Variants in SEMA6D observed in about 807,000 individuals in gnomAD.
SEMA6D encodes semaphorin 6D, also known as semaphorin-6D.
SEMA6D carries 35 observed loss-of-function variants against 106.6 expected under a neutral mutation model. The ratio of observed to expected loss-of-function variants is 0.33; its 90% CI spans 0.25 to 0.44. SEMA6D has a LOEUF of 0.44. Ranked by LOEUF, SEMA6D falls within the 20% of genes least tolerant of loss-of-function variation. SEMA6D has a pLI of 1.00. For synonymous variants in SEMA6D, 499 were observed against 487.7 expected (o/e 1.02, Z -0.31); for missense variants, 1,185 against 1,345.9 (o/e 0.88, Z 1.87).
chr15:47,654,150 GCTCTTCCTCTTT>G (rs2077746929), intron 4 of SEMA6D, among the ~76,000 whole-genome samples: 1 of 152,122 alleles, frequency 6.6e-6, no homozygotes, highest in African/African-American at 2.4e-5. Context: ...GAACTGCAGG[GCTCTTCCTCTTT>G]TAGTTTAATT....
At chr15:47,365,106 G>C (rs1345899979) in intron 1 of SEMA6D, among the ~76,000 whole-genome samples, 11 of 152,150 alleles carry the variant, frequency 7.2e-5, no homozygotes, top group Admixed American at 7.2e-4. Context: ...GGCCTAAAAG[G>C]CTCCGAGAGG....
At chr15:47,689,812 G>A (rs902417963) in intron 4 of SEMA6D, among the ~76,000 whole-genome samples, 3 of 152,198 alleles carry the variant, frequency 2.0e-5, no homozygotes, top group African/African-American at 7.2e-5. Context: ...TCTCCGCAGA[G>A]GACTGACTTC....
intron 3 of SEMA6D, among the ~76,000 whole-genome samples, chr15:47,527,446 G>T (rs554824241): frequency 1.2e-4 from 18 of 152,202 alleles, no homozygotes; most frequent in Non-Finnish European, 2.4e-4. Flanking sequence ...TGGAGATCTA[G>T]TTCCAAAAGA....
chr15:47,651,295 T>C (rs1429487827), intron 4 of SEMA6D, among the ~76,000 whole-genome samples: 1 of 152,048 alleles, frequency 6.6e-6, no homozygotes, highest in East Asian at 1.9e-4. Flanking sequence ...TCCCTGCTAC[T>C]TAGGAGGCTG....
At chr15:47,678,649 C>CT (rs914776849) in intron 4 of SEMA6D, among the ~76,000 whole-genome samples, 62 of 144,376 alleles carry the variant, frequency 4.3e-4, no homozygotes, top group East Asian at 1.6e-3. Context: ...TTATCCTAAC[C>CT]TTTTTTTTTT....
intron 1 of SEMA6D, among the ~76,000 whole-genome samples, chr15:47,385,045 A>ATTTTTTTTTTTTT (rs374354563): frequency 5.3e-5 from 5 of 94,358 alleles, no homozygotes; most frequent in African/African-American, 1.7e-4. Flanking sequence ...CTGGACTGTA[A>ATTTTTTTTTTTTT]TTTTTTTTTT....
chr15:47,732,966 G>A (rs774595660), intron 1 of SEMA6D, among the ~76,000 whole-genome samples: 4 of 152,160 alleles, frequency 2.6e-5, no homozygotes, highest in Non-Finnish European at 4.4e-5. Flanking sequence ...AACACGAGCC[G>A]TAATTATGAA....
At chr15:47,196,781 G>A (rs1038484655) in intron 1 of SEMA6D, among the ~76,000 whole-genome samples, 6 of 152,160 alleles carry the variant, frequency 3.9e-5, no homozygotes, top group Admixed American at 6.5e-5. Flanking sequence ...AAGAGAATGC[G>A]AAACATGTTA....
chr15:47,406,100 A>T (rs752038838), intron 1 of SEMA6D, among the ~76,000 whole-genome samples: 2 of 152,212 alleles, frequency 1.3e-5, no homozygotes, highest in Non-Finnish European at 2.9e-5. Context: ...TCCTGAACCC[A>T]TGAAAGGAGT....
intron 1 of SEMA6D, among the ~76,000 whole-genome samples, chr15:47,237,444 A>C (rs2032623348): frequency 6.6e-6 from 1 of 151,688 alleles, no homozygotes; most frequent in African/African-American, 2.4e-5. Flanking sequence ...TTTTTCACTT[A>C]TTGTTCTCTC....
intron 2 of SEMA6D, among the ~76,000 whole-genome samples, chr15:47,442,074 T>C (rs1422974519): frequency 6.6e-6 from 1 of 152,144 alleles, no homozygotes; most frequent in African/African-American, 2.4e-5. Flanking sequence ...ATTCAGTATA[T>C]TATAATTAGA....
intron 1 of SEMA6D, chr15:47,730,626 T>C: frequency 6.3e-7 from 1 of 1,582,538 alleles, no homozygotes; most frequent in Non-Finnish European, 8.7e-7. Context: ...TCTTGCTTTG[T>C]CTCTGGTCTG....
intron 1 of SEMA6D, among the ~76,000 whole-genome samples, chr15:47,757,555 T>C (rs1250584252): frequency 6.6e-6 from 1 of 152,210 alleles, no homozygotes; most frequent in Admixed American, 6.5e-5. Context: ...GTAGCTGTAG[T>C]AAAAAACTAG....
At chr15:47,624,129 G>T (rs2077159894) in intron 4 of SEMA6D, among the ~76,000 whole-genome samples, 1 of 152,144 alleles carries the variant, frequency 6.6e-6, no homozygotes, top group Non-Finnish European at 1.5e-5. Context: ...TCAGACCTTT[G>T]CACCTATTGT....
intron 1 of SEMA6D, among the ~76,000 whole-genome samples, chr15:47,752,820 C>G (rs2147388010): frequency 6.6e-6 from 1 of 152,030 alleles, no homozygotes; most frequent in Non-Finnish European, 1.5e-5. Context: ...ACCAGCCTGG[C>G]CAACATGATG....
intron 4 of SEMA6D, among the ~76,000 whole-genome samples, chr15:47,670,391 G>GCATGATTT (rs1326206447): frequency 6.6e-6 from 1 of 152,104 alleles, no homozygotes; most frequent in South Asian, 2.1e-4. Context: ...AAGGAAGAGG[G>GCATGATTT]CATGATTTCA....
At chr15:47,369,329 T>G (rs1196773044) in intron 1 of SEMA6D, among the ~76,000 whole-genome samples, 6 of 152,212 alleles carry the variant, frequency 3.9e-5, no homozygotes, top group African/African-American at 1.4e-4. Context: ...TTGAAGCAAC[T>G]TCTTTGAATT....
intron 3 of SEMA6D, among the ~76,000 whole-genome samples, chr15:47,525,650 A>G (rs551367624): frequency 6.6e-6 from 1 of 152,180 alleles, no homozygotes; most frequent in Non-Finnish European, 1.5e-5. Context: ...GCTATCGACT[A>G]CTCATCTGCT....
chr15:47,604,866 A>ATTTTTT lies in SEMA6D; in HGVS notation c.-55+3978_-55+3983dup, dbSNP rs56218960. On this transcript the variant is annotated intron_variant, in intron 4 of 19. Transcript: ENST00000558014. ...CGCCCACCACCACCATGCCTGGCTA[A>ATTTTTT]TTTTTTTTTTTTTGTATTTTTAGTA... is the stretch of plus-strand genomic sequence containing the variant. Among the ~76,000 whole-genome samples the ATTTTTT allele has an allele frequency of 9.6e-3, 1,389 of 144,184 alleles. 18 individuals are homozygous for ATTTTTT. Among genetic ancestry groups the ATTTTTT allele is most frequent in the African/African-American group, 0.031 (1,213 of 38,726 alleles). 94.6% of individuals were successfully genotyped at this position (144,184 alleles called of 152,430 possible).
Sources: allele counts gnomAD v4.1 joint callset (sites outside exome capture counted in the v4.1 genomes callset), GRCh38; gene constraint gnomAD v4.1.1; transcripts MANE v1.5; gene names NCBI Gene and HGNC (gene_info 2026-07-23, HGNC 2026-07-21).